Variants in SUCLG2 observed in about 807,000 individuals in gnomAD.
SUCLG2 encodes the protein succinate--CoA ligase [GDP-forming] subunit beta, mitochondrial.
In SUCLG2, 42 loss-of-function variants were observed where a neutral mutation model predicts 47.9. That is an observed-to-expected ratio of 0.88 (90% confidence interval 0.69 to 1.14). The LOEUF (loss-of-function observed/expected upper bound fraction) is 1.14. Ranked by LOEUF, SUCLG2 falls within the 50% of genes most tolerant of loss-of-function variation. The pLI, the probability that SUCLG2 is intolerant of heterozygous loss-of-function variation, is 0.00. For synonymous variants in SUCLG2, 195 were observed against 197.3 expected (o/e 0.99, Z 0.10); for missense variants, 571 against 525.9 (o/e 1.09, Z -0.84).
intron 9 of SUCLG2, among the ~76,000 whole-genome samples, chr3:67,488,417 A>G (rs1705118505): frequency 6.6e-6 from 1 of 152,146 alleles, no homozygotes; most frequent in Admixed American, 6.6e-5. Flanking sequence ...AATCTCCTGA[A>G]TCCATGGGGC....
chr3:67,525,632 C>T (rs1706235080), intron 4 of SUCLG2, among the ~76,000 whole-genome samples: 1 of 152,118 alleles, frequency 6.6e-6, no homozygotes, highest in African/African-American at 2.4e-5. Context: ...CAAAAGTCAA[C>T]TCAAAATGGA....
At chr3:67,566,531 T>C (rs1707457691) in intron 2 of SUCLG2, among the ~76,000 whole-genome samples, 1 of 152,218 alleles carries the variant, frequency 6.6e-6, no homozygotes, top group African/African-American at 2.4e-5. Flanking sequence ...CTTTTTCAAC[T>C]ATGATCATGT....
chr3:67,648,399 C>T (rs1701227405), intron 1 of SUCLG2, among the ~76,000 whole-genome samples: 1 of 152,206 alleles, frequency 6.6e-6, no homozygotes, highest in South Asian at 2.1e-4. Context: ...GCGAGTGTCA[C>T]TCAAGGGCAA....
At chr3:67,512,672 T>C (rs1231178569) in intron 6 of SUCLG2, among the ~76,000 whole-genome samples, 2 of 151,044 alleles carry the variant, frequency 1.3e-5, no homozygotes, top group African/African-American at 2.5e-5. Flanking sequence ...TCAACCATTT[T>C]TGTCTACACA....
intron 2 of SUCLG2, among the ~76,000 whole-genome samples, chr3:67,598,363 G>A (rs545896783): frequency 3.3e-5 from 5 of 152,186 alleles, no homozygotes; most frequent in Admixed American, 3.3e-4. Flanking sequence ...ATCTTATTCA[G>A]GTAACCAAAA....
chr3:67,561,603 T>C (rs188003366), intron 2 of SUCLG2, among the ~76,000 whole-genome samples: 3 of 152,282 alleles, frequency 2.0e-5, no homozygotes, highest in Admixed American at 1.3e-4. Context: ...TAGAAAAATA[T>C]GTTAGGCCAA....
intron 2 of SUCLG2, among the ~76,000 whole-genome samples, chr3:67,595,812 G>C (rs75961092): frequency 0.011 from 1,602 of 152,330 alleles, 30 homozygotes; most frequent in African/African-American, 0.035. Context: ...TTCAGCCATT[G>C]TATTTTCTAC....
At chr3:67,585,951 A>AGCAAGAC in intron 2 of SUCLG2, among the ~76,000 whole-genome samples, 1 of 138,390 alleles carries the variant, frequency 7.2e-6, no homozygotes, top group East Asian at 2.4e-4. Context: ...TGGGCAAAAG[A>AGCAAGAC]GCAAGACTCC....
rs893808392 is a variant in SUCLG2, at chr3:67,374,913, C to T, written c.*831G>A. ...GGGAGGATGAGGAGTAAGAGAGAAA[C>T]GAGGAGAGAAGATAGTGATACTAAA... On this transcript the variant is annotated 3_prime_UTR_variant, in exon 11 of 11. Transcript: ENST00000307227. 366 of 984,806 alleles carry T rather than the reference C, an allele frequency of 3.7e-4. No individual in the cohort carries two copies. Among genetic ancestry groups the T allele is most frequent in the Middle Eastern group, 5.2e-4 (1 of 1,934 alleles). 61.0% of individuals were successfully genotyped at this position (984,806 alleles called of 1,614,324 possible).
intron 9 of SUCLG2, among the ~76,000 whole-genome samples, chr3:67,434,180 C>T (rs13090398): frequency 0.034 from 5,133 of 152,238 alleles, 113 homozygotes; most frequent in African/African-American, 0.058. Context: ...TATATATGAT[C>T]ATTTCTGTTG....
At chr3:67,601,394 T>C (rs552173486) in intron 2 of SUCLG2, among the ~76,000 whole-genome samples, 1 of 152,312 alleles carries the variant, frequency 6.6e-6, no homozygotes, top group East Asian at 1.9e-4. Flanking sequence ...CCTTTGATAA[T>C]CAGAAAAGAT....
At chr3:67,600,915 T>C (rs1241986776) in intron 2 of SUCLG2, among the ~76,000 whole-genome samples, 1 of 152,190 alleles carries the variant, frequency 6.6e-6, no homozygotes, top group Non-Finnish European at 1.5e-5. Context: ...GGAAATAACT[T>C]CTTCTTGCAC....
chr3:67,634,349 G>A (rs1056759947), intron 1 of SUCLG2, among the ~76,000 whole-genome samples: 2 of 152,104 alleles, frequency 1.3e-5, no homozygotes, highest in African/African-American at 2.4e-5. Flanking sequence ...TTGGGAGGCC[G>A]AGGCAGGAGG....
chr3:67,625,509 G>A (rs1203414085), intron 1 of SUCLG2, among the ~76,000 whole-genome samples: 1 of 152,102 alleles, frequency 6.6e-6, no homozygotes, highest in African/African-American at 2.4e-5. Flanking sequence ...CCCAATGCAG[G>A]AGAAAGATCT....
chr3:67,396,237 G>T (rs908276376), intron 10 of SUCLG2, among the ~76,000 whole-genome samples: 17 of 152,074 alleles, frequency 1.1e-4, no homozygotes, highest in African/African-American at 1.2e-4. Context: ...CCAGGAGCTG[G>T]TTTTTTGAAA....
intron 10 of SUCLG2, among the ~76,000 whole-genome samples, chr3:67,392,820 T>C (rs1702420687): frequency 1.4e-5 from 2 of 141,518 alleles, no homozygotes; most frequent in African/African-American, 5.7e-5. Flanking sequence ...GTAGTCACTG[T>C]ACTTTTTTTT....
chr3:67,435,124 G>A (rs1703585191), intron 9 of SUCLG2, among the ~76,000 whole-genome samples: 1 of 152,116 alleles, frequency 6.6e-6, no homozygotes, highest in Admixed American at 6.5e-5. Context: ...ATGGGCTGGT[G>A]TAGCTACAGC....
At chr3:67,436,673 CA>C (rs1703632179) in intron 9 of SUCLG2, among the ~76,000 whole-genome samples, 1 of 152,044 alleles carries the variant, frequency 6.6e-6, no homozygotes, top group African/African-American at 2.4e-5. Flanking sequence ...TTTTCATCAG[CA>C]AGTGTTAGGT....
At chr3:67,399,727 C>T (rs7642804) in intron 10 of SUCLG2, among the ~76,000 whole-genome samples, 36,179 of 151,956 alleles carry the variant, frequency 0.24, 4,822 homozygotes, top group African/African-American at 0.35. Context: ...GGATAAAACT[C>T]CCTTAATGTG....
Sources: gnomAD v4.1 joint callset for allele counts (sites outside exome capture counted in the v4.1 genomes callset) on GRCh38, gnomAD v4.1.1 for gene constraint, MANE v1.5 for transcripts, NCBI Gene and HGNC (gene_info 2026-07-23, HGNC 2026-07-21) for gene names.